GRIP1: variants seen among roughly 807,000 people sequenced by gnomAD.
GRIP1 encodes the protein glutamate receptor-interacting protein 1.
A neutral mutation model predicts 129.9 loss-of-function variants in GRIP1; 45 were observed. That is an observed-to-expected ratio of 0.35 (90% confidence interval 0.27 to 0.44). The LOEUF (loss-of-function observed/expected upper bound fraction) is 0.44. Ranked by LOEUF, GRIP1 falls within the 20% of genes least tolerant of loss-of-function variation. The probability of loss-of-function intolerance (pLI) is 1.00; values close to 1 mark genes in which losing one functional copy is unlikely to be tolerated. For missense variants in GRIP1, 1,196 were observed against 1,396.8 expected (o/e 0.86, Z 2.29); for synonymous variants, 530 against 520.8 (o/e 1.02, Z -0.24).
At chr12:66,698,312 G>GT (rs1023805447) in intron 1 of GRIP1, among the ~76,000 whole-genome samples, 3 of 152,178 alleles carry the variant, frequency 2.0e-5, no homozygotes, top group Non-Finnish European at 2.9e-5. Flanking sequence ...GAAAGAAAGT[G>GT]TTTTTTACCT....
intron 1 of GRIP1, among the ~76,000 whole-genome samples, chr12:66,970,414 T>C (rs2042056187): frequency 6.6e-6 from 1 of 152,170 alleles, no homozygotes; most frequent in Non-Finnish European, 1.5e-5. Context: ...AAGCTAGACA[T>C]GATGTATCAG....
chr12:66,354,013 C>A (rs2054357905), intron 23 of GRIP1, among the ~76,000 whole-genome samples: 1 of 152,180 alleles, frequency 6.6e-6, no homozygotes, highest in Non-Finnish European at 1.5e-5. Context: ...CTCGGCGTAT[C>A]CTCTCTTTGG....
At chr12:66,423,084 A>T (rs2057864171) in intron 14 of GRIP1, among the ~76,000 whole-genome samples, 1 of 152,204 alleles carries the variant, frequency 6.6e-6, no homozygotes, top group African/African-American at 2.4e-5. Flanking sequence ...TTTTATATAG[A>T]TACATGGCTT....
At chr12:66,859,866 A>G (rs1197188883) in intron 1 of GRIP1, among the ~76,000 whole-genome samples, 3 of 152,016 alleles carry the variant, frequency 2.0e-5, no homozygotes, top group Admixed American at 2.0e-4. Context: ...TCCTCAGCTC[A>G]GCATTAATAG....
At chr12:66,621,328 C>G (rs2065259177) in intron 1 of GRIP1, among the ~76,000 whole-genome samples, 1 of 152,132 alleles carries the variant, frequency 6.6e-6, no homozygotes, top group African/African-American at 2.4e-5. Context: ...TTTGCCTATT[C>G]TAGGCAACTC....
rs116026304 is a variant in GRIP1, at chr12:66,967,758, T to C, written c.58+101292A>G. 5.7e-3 allele frequency among the ~76,000 whole-genome samples: 870 copies of C among 152,294 alleles called. 6 individuals carry two copies. The highest frequency in any genetic ancestry group is 0.02 in the African/African-American group (832 of 41,564). On this transcript the variant is annotated intron_variant, in intron 1 of 1. Transcript: ENST00000643019. ...AATATTTTGGCATTTTCCAAATATC[T>C]TTCTGTTATTGACTTATAGTTTAAT...
chr12:66,522,335 C>T (rs1015532909), intron 5 of GRIP1, among the ~76,000 whole-genome samples: 6 of 152,328 alleles, frequency 3.9e-5, no homozygotes, highest in Admixed American at 1.3e-4. Context: ...GCAGCATTTG[C>T]GGATCACCAA....
chr12:67,029,304 A>G (rs1194499631), intron 1 of GRIP1, among the ~76,000 whole-genome samples: 2 of 151,900 alleles, frequency 1.3e-5, no homozygotes, highest in African/African-American at 4.8e-5. Flanking sequence ...TGTAGAGATG[A>G]GGTTTTGCCT....
intron 1 of GRIP1, among the ~76,000 whole-genome samples, chr12:67,029,499 A>T (rs1469324836): frequency 6.7e-6 from 1 of 149,564 alleles, no homozygotes; most frequent in Non-Finnish European, 1.5e-5. Flanking sequence ...GGATCACCTG[A>T]GCCCAGGATT....
At chr12:67,066,909 T>TATATATATATATATATATATACAC (rs1555170047) in intron 1 of GRIP1, among the ~76,000 whole-genome samples, 1 of 142,068 alleles carries the variant, frequency 7.0e-6, no homozygotes, top group Admixed American at 7.0e-5. Context: ...TATATATATA[T>TATATATATATATATATATATACAC]ATACACACAC....
At chr12:66,568,888 G>C (rs1240316193) in intron 2 of GRIP1, 1 of 499,778 alleles carries the variant, frequency 2.0e-6, no homozygotes, top group Non-Finnish European at 4.0e-6. Context: ...TTATGCAGTT[G>C]AGTAGGTTCC....
intron 2 of GRIP1, among the ~76,000 whole-genome samples, chr12:66,593,428 G>T (rs2063917883): frequency 6.6e-6 from 1 of 152,142 alleles, no homozygotes; most frequent in Non-Finnish European, 1.5e-5. Flanking sequence ...TTAACATTCA[G>T]ATTTACCTCT....
At chr12:66,351,963 C>G (rs2137071309) in intron 24 of GRIP1, among the ~76,000 whole-genome samples, 1 of 152,118 alleles carries the variant, frequency 6.6e-6, no homozygotes, top group Non-Finnish European at 1.5e-5. Flanking sequence ...CTATGTGAGA[C>G]CAAAAAGTTG....
At position 66,540,729 on chromosome 12, in the gene GRIP1, TA is replaced by T. The variant is rs574009242; in HGVS notation, c.272+1085del. 3.6e-3 allele frequency among the ~76,000 whole-genome samples: 548 copies of T among 152,366 alleles called. 2 individuals carry two copies. Among genetic ancestry groups the T allele is most frequent in the Non-Finnish European group, 4.7e-3 (323 of 68,040 alleles). ...CAGATTTAACCTGGAATTATGTGGATATGAATATTGGTGGCCAGAATTTAAG... is the reference window on the plus strand; with the variant it reads ...CAGATTTAACCTGGAATTATGTGGATTGAATATTGGTGGCCAGAATTTAAG... On this transcript the variant is annotated intron_variant, in intron 3 of 24. Transcript: ENST00000359742.
In GRIP1 at chr12:66,364,287, A is replaced by AAAAG. The variant is rs1405724131; in HGVS notation, c.3012+7403_3012+7406dup. On this transcript the variant is annotated intron_variant, in intron 23 of 24. Transcript: ENST00000359742. ...TCTCAAAAAAAAAAAAAAAAAAAAAAAAAGAAAGAAAGAAAGAAAGAAAGA... is the reference window on the plus strand; with the variant it reads ...TCTCAAAAAAAAAAAAAAAAAAAAAAAAAGAAAGAAAGAAAGAAAGAAAGAAAGA... 1.6e-3 allele frequency among the ~76,000 whole-genome samples: 198 copies of AAAAG among 125,972 alleles called. 1 individual carries two copies. Among genetic ancestry groups the AAAAG allele is most frequent in the South Asian group, 5.9e-3 (23 of 3,876 alleles). The allele number at this position is 125,972 out of a possible 152,430, so 82.6% of individuals were successfully genotyped here.
At chr12:66,793,739 C>A (rs1033010749) in intron 1 of GRIP1, among the ~76,000 whole-genome samples, 2 of 152,148 alleles carry the variant, frequency 1.3e-5, no homozygotes, top group African/African-American at 4.8e-5. Context: ...CACAGCACTG[C>A]AGTTGGGAGC....
At chr12:66,970,532 T>C (rs796343231) in intron 1 of GRIP1, among the ~76,000 whole-genome samples, 26 of 136,780 alleles carry the variant, frequency 1.9e-4, no homozygotes, top group African/African-American at 6.9e-4. Context: ...TTCAAAGTCC[T>C]CTAGTGTCTT....
chr12:66,638,828 G>C (rs934243614), intron 1 of GRIP1, among the ~76,000 whole-genome samples: 1 of 152,044 alleles, frequency 6.6e-6, no homozygotes, highest in Admixed American at 6.6e-5. Context: ...ATATGATATA[G>C]TGCTGGCCTA....
intron 13 of GRIP1, among the ~76,000 whole-genome samples, chr12:66,433,091 C>T (rs1023298824): frequency 1.3e-4 from 20 of 152,002 alleles, no homozygotes; most frequent in African/African-American, 4.8e-4. Context: ...TTCCCCCCAC[C>T]TCCACTCCTA....
Sources: allele counts gnomAD v4.1 joint callset (sites outside exome capture counted in the v4.1 genomes callset), GRCh38; gene constraint gnomAD v4.1.1; transcripts MANE v1.5; gene names NCBI Gene and HGNC (gene_info 2026-07-23, HGNC 2026-07-21).